HACL1: variants seen among roughly 807,000 people sequenced by gnomAD.
HACL1 encodes 2-hydroxyacyl-CoA lyase 1, also known as 1600020H07Rik.
A neutral mutation model predicts 74.2 loss-of-function variants in HACL1; 64 were observed. That is an observed-to-expected ratio of 0.86 (90% confidence interval 0.70 to 1.06). HACL1 has a LOEUF of 1.06. HACL1 is among the 50% of genes least tolerant of loss of function. The pLI is 0.00. For synonymous variants in HACL1, 230 were observed against 238.8 expected, an observed-to-expected ratio of 0.96 and a Z score of 0.34; for missense variants, 728 against 719.7, an observed-to-expected ratio of 1.01 and a Z score of -0.13.
intron 3 of HACL1, 162 bp downstream of exon 3, chr3:15,596,222 T>G (rs1387131161): frequency 1.7e-6 from 1 of 585,652 alleles, no homozygotes; most frequent in African/African-American, 1.9e-5. Flanking sequence ...GTATCATTAT[T>G]CTTTTGATGT....
chr3:15,573,659 T>C (rs1308823366), intron 10 of HACL1, among the ~76,000 whole-genome samples: 2 of 152,082 alleles, frequency 1.3e-5, no homozygotes. Flanking sequence ...ACTGTAGGAG[T>C]CTACCTCAGA....
At chr3:15,575,409 C>A (rs1486671383) in intron 9 of HACL1, among the ~76,000 whole-genome samples, 5 of 152,076 alleles carry the variant, frequency 3.3e-5, no homozygotes, top group Non-Finnish European at 5.9e-5. Flanking sequence ...AGGCAAAAAA[C>A]AAAATCACCC....
chr3:15,568,301 C>T (rs1202679494), intron 13 of HACL1, 131 bp downstream of exon 13: 2 of 662,142 alleles, frequency 3.0e-6, no homozygotes, highest in Admixed American at 3.0e-5. Context: ...CCTAAGGATA[C>T]TTTTATGAAA....
chr3:15,571,862 C>T (rs542648915), intron 11 of HACL1, 93 bp from the exon 12 acceptor site: 3 of 454,654 alleles, frequency 6.6e-6, no homozygotes, highest in East Asian at 4.3e-5. Flanking sequence ...TTTTTTGAGA[C>T]GAAGTCTCGT....
At chr3:15,584,331 T>C (rs936710816) in intron 7 of HACL1, among the ~76,000 whole-genome samples, 7 of 152,312 alleles carry the variant, frequency 4.6e-5, no homozygotes, top group African/African-American at 1.7e-4. Context: ...GGCTCATGCC[T>C]GTAATCCCAG....
At position 15,574,976 on chromosome 3, in the gene HACL1, C is replaced by G. The variant is rs55903819; in HGVS notation, c.909+1G>C. 3 of 1,392,202 alleles carry G rather than the reference C, an allele frequency of 2.2e-6. No homozygotes were observed. The highest frequency in any genetic ancestry group is 3.1e-6 in the Non-Finnish European group (3 of 980,820). The allele number at this position is 1,392,202 out of a possible 1,614,324, so 86.2% of individuals were successfully genotyped here. ...ATTTTAAGTTCCTCCTCTCTAAGTA[C>G]CTGGATAAACTTCACATCTGGCTGA... On this transcript the variant is annotated splice_donor_variant, in intron 10 of 16. Transcript: ENST00000321169. LOFTEE classifies it high-confidence loss of function.
At chr3:15,568,054 T>C in intron 13 of HACL1, 52 bp from the exon 14 acceptor site, 2 of 1,508,166 alleles carry the variant, frequency 1.3e-6, no homozygotes, top group Non-Finnish European at 1.8e-6. Context: ...TCATAGAGGA[T>C]GGGATTGGCA....
intron 16 of HACL1, among the ~76,000 whole-genome samples, chr3:15,562,826 T>C (rs1390575660): frequency 1.3e-5 from 2 of 152,218 alleles, no homozygotes; most frequent in Non-Finnish European, 2.9e-5. Flanking sequence ...AATCCTTGTA[T>C]TACAGTTGCA....
chr3:15,596,552 A>G, intron 2 of HACL1, 128 bp from the exon 3 acceptor site: 1 of 624,666 alleles, frequency 1.6e-6, no homozygotes, highest in East Asian at 2.8e-5. Context: ...TTCCAACCTT[A>G]GTAATAAATG....
intron 1 of HACL1, 62 bp from the exon 2 acceptor site, chr3:15,601,256 C>T (rs1172358648): frequency 1.8e-5 from 28 of 1,538,626 alleles, no homozygotes; most frequent in Non-Finnish European, 2.5e-5. Context: ...ACATCCTTCC[C>T]TCCCTCCCGG....
rs1444279968 is a variant in HACL1, at chr3:15,560,873, T to C, written c.1729A>G (p.Asn577Asp). 1.2e-6 allele frequency: 2 copies of C among 1,606,244 alleles called. No homozygotes were observed. The highest frequency in any genetic ancestry group is 1.1e-5 in the South Asian group (1 of 90,566). Reference protein sequence around the residue: ...AQDFHWLTRSNM With the variant: ...AQDFHWLTRSDM The stretch of plus-strand genomic sequence containing the variant: ...CCAACTGGCGTCTTTATTTACATAT[T>C]AGAGCGGGTCAGCCAATGAAAATCC... The change falls in exon 17 of 17, where the codon AAT becomes GAT. Residue 577 changes from asparagine (N) to aspartate (D), a missense_variant. Physicochemically the swap from Asn to Asp is conservative, Grantham distance 23 (BLOSUM62 1). Coordinates refer to ENST00000321169, the MANE Select transcript of HACL1 (RefSeq NM_012260.4).
At chr3:15,591,934 TAC>T in intron 3 of HACL1, among the ~76,000 whole-genome samples, 1 of 149,972 alleles carries the variant, frequency 6.7e-6, no homozygotes, top group Non-Finnish European at 1.5e-5. Context: ...TATACGTATA[TAC>T]GTGTATATAT....
chr3:15,594,252 A>G (rs1354205716), intron 3 of HACL1, among the ~76,000 whole-genome samples: 1 of 152,160 alleles, frequency 6.6e-6, no homozygotes, highest in East Asian at 1.9e-4. Context: ...TAAAAAATAT[A>G]AAAACTAGCT....
At chr3:15,564,719 T>G in intron 14 of HACL1, 61 bp from the exon 15 acceptor site, 1 of 713,778 alleles carries the variant, frequency 1.4e-6, no homozygotes, top group South Asian at 1.9e-5. Context: ...TTCTTTTCTT[T>G]GGGTTGAAAC....
At chr3:15,574,360 T>C (rs1165086097) in intron 10 of HACL1, among the ~76,000 whole-genome samples, 2 of 152,160 alleles carry the variant, frequency 1.3e-5, no homozygotes, top group Non-Finnish European at 2.9e-5. Context: ...AGAGCCAAGA[T>C]GCTGTCTCAA....
intron 3 of HACL1, among the ~76,000 whole-genome samples, chr3:15,592,526 A>ACACATGTATACACATGTACG (rs2063956265): frequency 6.9e-6 from 1 of 145,488 alleles, no homozygotes; most frequent in Admixed American, 7.0e-5. Flanking sequence ...GTATACATAT[A>ACACATGTATACACATGTACG]CACATGTATA....
rs1385544683 is a variant in HACL1, at chr3:15,601,170, C to A, written c.106G>T (p.Val36Leu). Residue 36 changes from valine to leucine, a missense_variant, in exon 2 of 17, where the codon GTA becomes TTA. By Grantham distance (32) the Val-to-Leu change is conservative. Coordinates refer to ENST00000321169, the MANE Select transcript of HACL1 (RefSeq NM_012260.4). ...TQDVEYIFGI[V>L]GIPVTEIAIA... ...GCGATTTCGGTCACTGGGATGCCTACGATGCCAAATATGTACTCCACATCC... is the reference window on the plus strand; with the variant it reads ...GCGATTTCGGTCACTGGGATGCCTAAGATGCCAAATATGTACTCCACATCC... 2 of 1,613,150 alleles carry A rather than the reference C, an allele frequency of 1.2e-6. No homozygotes were observed. Among genetic ancestry groups the A allele is most frequent in the African/African-American group, 1.3e-5 (1 of 74,902 alleles).
At chr3:15,578,993 T>C (rs1014021785) in intron 9 of HACL1, among the ~76,000 whole-genome samples, 2 of 152,218 alleles carry the variant, frequency 1.3e-5, no homozygotes, top group Non-Finnish European at 2.9e-5. Context: ...GAGCTGGACA[T>C]GTGCAGACAG....
At chr3:15,573,022 T>G (rs1320121957) in intron 11 of HACL1, 137 bp downstream of exon 11, 2 of 570,154 alleles carry the variant, frequency 3.5e-6, no homozygotes, top group Non-Finnish European at 6.3e-6. Context: ...TATTTAAGAA[T>G]AGTTTTCAAT....
Sources: gnomAD v4.1 joint callset for allele counts (sites outside exome capture counted in the v4.1 genomes callset) on GRCh38, gnomAD v4.1.1 for gene constraint, MANE v1.5 for transcripts, NCBI Gene and HGNC (gene_info 2026-07-23, HGNC 2026-07-21) for gene names.